Variants in HDAC4 observed in about 807,000 individuals in gnomAD.
HDAC4 encodes the protein histone deacetylase 4, also known as histone deacetylase A.
Under a neutral mutation model 135.1 loss-of-function variants are expected in HDAC4, and 16 were observed. The ratio of observed to expected loss-of-function variants is 0.12; its 90% CI spans 0.08 to 0.18. The LOEUF (loss-of-function observed/expected upper bound fraction) is 0.18. Ranked by LOEUF, HDAC4 falls within the 10% of genes least tolerant of loss-of-function variation. The pLI is 1.00. For missense variants in HDAC4, 1,143 were observed against 1,511.8 expected (o/e 0.76, Z 4.05); for synonymous variants, 685 against 653.4 (o/e 1.05, Z -0.74).
intron 2 of HDAC4, among the ~76,000 whole-genome samples, chr2:239,265,916 C>A (rs1191668901): frequency 6.6e-6 from 1 of 152,202 alleles, no homozygotes; most frequent in East Asian, 1.9e-4. Flanking sequence ...GGAGTACTGA[C>A]CTCCTGGGCC....
intron 3 of HDAC4, among the ~76,000 whole-genome samples, chr2:239,203,848 A>G (rs186051958): frequency 1.3e-5 from 2 of 152,324 alleles, no homozygotes; most frequent in Non-Finnish European, 2.9e-5. Context: ...ATCAGCTTCA[A>G]TGGATTCGAG....
chr2:239,238,696 C>G (rs746513180), intron 2 of HDAC4, among the ~76,000 whole-genome samples: 2 of 152,200 alleles, frequency 1.3e-5, no homozygotes, highest in Non-Finnish European at 2.9e-5. Context: ...GCGGATCCCT[C>G]CAGCACCGAG....
intron 22 of HDAC4, among the ~76,000 whole-genome samples, chr2:239,077,877 T>G (rs182750765): frequency 1.3e-5 from 2 of 152,298 alleles, no homozygotes; most frequent in Non-Finnish European, 2.9e-5. Flanking sequence ...CCGTCTTACT[T>G]GAAAGTTTGG....
chr2:239,191,949 T>C (rs1010980351), intron 3 of HDAC4, among the ~76,000 whole-genome samples: 8 of 152,236 alleles, frequency 5.3e-5, no homozygotes, highest in Non-Finnish European at 8.8e-5. Context: ...CTCGTTGTTA[T>C]TGTTGTTTTT....
At position 239,163,790 on chromosome 2, in the gene HDAC4, C is replaced by T. The variant is rs368733471; in HGVS notation, c.611+13G>A. On this transcript the variant is annotated intron_variant, in intron 6 of 26. Coordinates refer to ENST00000543185, the MANE Select transcript of HDAC4 (RefSeq NM_001378414.1). ...AGAGAGGAGGCCGGGGTGCTCCCCA[C>T]ACCCACACTTACCCGTACCAGTAGC... The T allele has an allele frequency of 6.2e-6, 10 of 1,613,870 alleles. No individual in the cohort carries two copies. Among genetic ancestry groups the T allele is most frequent in the South Asian group, 4.4e-5 (4 of 91,084 alleles).
At chr2:239,077,490 G>A (rs1272996453) in intron 22 of HDAC4, among the ~76,000 whole-genome samples, 2 of 152,240 alleles carry the variant, frequency 1.3e-5, no homozygotes, top group Non-Finnish European at 2.9e-5. Flanking sequence ...TTACAGGGCC[G>A]GCCCCACAGG....
At chr2:239,388,109 G>A (rs1290410398) in intron 1 of HDAC4, among the ~76,000 whole-genome samples, 1 of 152,206 alleles carries the variant, frequency 6.6e-6, no homozygotes, top group Non-Finnish European at 1.5e-5. Flanking sequence ...CCTCCCTGAA[G>A]CCGAGGGAGG....
chr2:239,189,276 C>A (rs1445633372), intron 4 of HDAC4, among the ~76,000 whole-genome samples: 1 of 152,158 alleles, frequency 6.6e-6, no homozygotes, highest in Non-Finnish European at 1.5e-5. Context: ...CTACATATCA[C>A]TAGTACATAT....
At chr2:239,165,824 C>T (rs565088590) in intron 5 of HDAC4, among the ~76,000 whole-genome samples, 133 of 152,262 alleles carry the variant, frequency 8.7e-4, no homozygotes, top group African/African-American at 3.1e-3. Flanking sequence ...TTTAGTTTTT[C>T]CTTTGTGAGT....
intron 3 of HDAC4, among the ~76,000 whole-genome samples, chr2:239,203,855 C>T (rs898636161): frequency 2.0e-5 from 3 of 152,100 alleles, no homozygotes; most frequent in African/African-American, 7.2e-5. Context: ...TCAATGGATT[C>T]GAGTAGGACT....
chr2:239,380,746 C>T (rs921880730), intron 1 of HDAC4, among the ~76,000 whole-genome samples: 3 of 152,192 alleles, frequency 2.0e-5, no homozygotes, highest in South Asian at 4.1e-4. Context: ...GAAACACACA[C>T]ACAATCAAAT....
At chr2:239,157,850 T>C (rs546075105) in intron 6 of HDAC4, among the ~76,000 whole-genome samples, 1 of 152,118 alleles carries the variant, frequency 6.6e-6, no homozygotes, top group Admixed American at 6.5e-5. Context: ...AGGGAACTCA[T>C]AGACAAAATT....
chr2:239,186,096 C>T (rs1039179859), intron 4 of HDAC4, among the ~76,000 whole-genome samples: 21 of 151,944 alleles, frequency 1.4e-4, no homozygotes, highest in East Asian at 5.8e-4. Flanking sequence ...ACCTGGGATC[C>T]GCTTCTTGGT....
chr2:239,400,401 A>C lies in HDAC4; in HGVS notation c.-220+577T>G, dbSNP rs1279322159. 2.8e-5 allele frequency: 4 copies of C among 144,742 alleles called. No homozygotes were observed. The highest frequency in any genetic ancestry group is 5.0e-5 in the African/African-American group (2 of 40,174). 9.0% of individuals were successfully genotyped at this position (144,742 alleles called of 1,614,324 possible). On this transcript the variant is annotated intron_variant, in intron 1 of 26. Transcript: ENST00000543185. This position sits in a 1 kb window ranked among gnomAD's most constrained non-coding sequence, Gnocchi z 4.7. ...CCTGCTCGGGGGGCGCGGGCCCCGC[A>C]CCGGGAGACGGCGCCGCTGCCTGCC...
intron 1 of HDAC4, among the ~76,000 whole-genome samples, chr2:239,397,865 C>A (rs749306715): frequency 2.0e-5 from 3 of 152,228 alleles, no homozygotes; most frequent in Admixed American, 2.0e-4. Context: ...CCGCCTCTAA[C>A]GTCAAGGCCA....
In HDAC4 at chr2:239,068,829, C is replaced by A; in HGVS notation, c.2751-222G>T. 1 of 592,660 alleles carries A rather than the reference C, an allele frequency of 1.7e-6. No individual in the cohort carries two copies. The highest frequency in any genetic ancestry group is 3.1e-6 in the Non-Finnish European group (1 of 319,814). 36.7% of individuals were successfully genotyped at this position (592,660 alleles called of 1,614,324 possible). ...AGGCTCATTTCACATCTTCACAGTG[C>A]AAGCCAGCAAGCCCCACGACACTTG... is the stretch of plus-strand genomic sequence containing the variant. On this transcript the variant is annotated intron_variant, in intron 22 of 26. Transcript: ENST00000543185. This position sits in a 1 kb window ranked among gnomAD's most constrained non-coding sequence, Gnocchi z 4.4.
chr2:239,396,073 C>T (rs1321994338), intron 1 of HDAC4, among the ~76,000 whole-genome samples: 1 of 152,000 alleles, frequency 6.6e-6, no homozygotes, highest in Non-Finnish European at 1.5e-5. Flanking sequence ...ACTTTCCAGG[C>T]TCACGTGATT....
At chr2:239,300,874 G>C (rs1288620085) in intron 2 of HDAC4, among the ~76,000 whole-genome samples, 2 of 152,270 alleles carry the variant, frequency 1.3e-5, no homozygotes, top group African/African-American at 4.8e-5. Context: ...TCCGTACATC[G>C]TGTCCACGCA....
In HDAC4 at chr2:239,048,318, G is replaced by A. The variant is rs934304053; in HGVS notation, c.*4779C>T. The A allele has an allele frequency of 3.9e-5, 6 of 152,288 alleles. No individual in the cohort carries two copies. The highest frequency in any genetic ancestry group is 1.4e-4 in the African/African-American group (6 of 41,448). 9.4% of individuals were successfully genotyped at this position (152,288 alleles called of 1,614,324 possible). A position where few individuals can be genotyped will look rare whatever the true frequency, so the allele number is the denominator to read the frequency against. On this transcript the variant is annotated 3_prime_UTR_variant, in exon 27 of 27. Coordinates refer to ENST00000543185, the MANE Select transcript of HDAC4 (RefSeq NM_001378414.1). ...GTGAAAATCCACCCACACAAAACAA[G>A]ACAAGAATGAGAAAACCAAACACAA...
Sources: allele counts gnomAD v4.1 joint callset (sites outside exome capture counted in the v4.1 genomes callset), GRCh38; gene constraint gnomAD v4.1.1; non-coding constraint Gnocchi (gnomAD v3.1); transcripts MANE v1.5; gene names NCBI Gene and HGNC (gene_info 2026-07-23, HGNC 2026-07-21).